ITGA1: variants seen among roughly 807,000 people sequenced by gnomAD.
The protein encoded by ITGA1 is integrin alpha-1.
A neutral mutation model predicts 145.9 loss-of-function variants in ITGA1; 85 were observed. That is an observed-to-expected ratio of 0.58 (90% CI 0.49 to 0.70). The LOEUF is 0.70. Ranked by LOEUF, ITGA1 falls within the 30% of genes least tolerant of loss-of-function variation. The pLI is 0.00. For missense variants in ITGA1, 1,351 were observed against 1,418.7 expected (o/e 0.95, Z 0.77); for synonymous variants, 520 against 495.3 (o/e 1.05, Z -0.66).
intron 2 of ITGA1, among the ~76,000 whole-genome samples, chr5:52,854,824 G>T (rs1278955418): frequency 1.3e-5 from 2 of 152,096 alleles, no homozygotes; most frequent in Non-Finnish European, 1.5e-5. Flanking sequence ...TATTATAATT[G>T]TAGCTTATTC....
At position 52,911,579 on chromosome 5, in the gene ITGA1, T is replaced by TAGTGTATCTACTATATATACTATAC. The variant is rs1750535975; in HGVS notation, c.1857+1161_1857+1162insGTGTATCTACTATATATACTATACA. 1.7e-4 allele frequency among the ~76,000 whole-genome samples: 11 copies of TAGTGTATCTACTATATATACTATAC among 66,590 alleles called. 1 individual carries two copies. The highest frequency in any genetic ancestry group is 2.2e-4 in the Non-Finnish European group (7 of 31,842). 43.7% of individuals were successfully genotyped at this position (66,590 alleles called of 152,430 possible). A position where few individuals can be genotyped will look rare whatever the true frequency, so the allele number is the denominator to read the frequency against. On this transcript the variant is annotated intron_variant, in intron 14 of 28. Coordinates refer to ENST00000282588, the MANE Select transcript of ITGA1 (RefSeq NM_181501.2). Reference sequence around the variant, plus strand: ...TAGTGTATCTACTATATATACTATATATATAGTGTATCTACTATATATACT... The same window carrying TAGTGTATCTACTATATATACTATAC: ...TAGTGTATCTACTATATATACTATATAGTGTATCTACTATATATACTATACATATAGTGTATCTACTATATATACT...
intron 21 of ITGA1, among the ~76,000 whole-genome samples, chr5:52,930,260 T>A (rs1057109832): frequency 6.6e-6 from 1 of 152,146 alleles, no homozygotes; most frequent in Non-Finnish European, 1.5e-5. Flanking sequence ...TCTTTTACTG[T>A]TTTATTCACA....
chr5:52,941,634 G>A (rs1561255905), intron 26 of ITGA1, among the ~76,000 whole-genome samples: 1 of 152,060 alleles, frequency 6.6e-6, no homozygotes, highest in African/African-American at 2.4e-5. Context: ...TTTGTTGATT[G>A]ATTGCTTGCT....
Position 52,887,819 on chromosome 5 carries a change from G to A in ITGA1, c.778G>A (p.Glu260Lys). ...TALGIDTARK[E>K]AFTEARGARR... ...TTTTGTTTGTGATTACTTTAGAAAG[G>A]AGGCATTCACGGAAGCCCGGGGTGC... Residue 260 changes from glutamate (E) to lysine (K), a missense_variant, in exon 8 of 29, where the codon GAG becomes AAG. Transcript: ENST00000282588. The A allele has an allele frequency of 1.9e-6, 3 of 1,611,316 alleles. No homozygotes were observed. Among genetic ancestry groups the A allele is most frequent in the Non-Finnish European group, 2.5e-6 (3 of 1,178,262 alleles).
chr5:52,797,640 T>C (rs1325425119), intron 1 of ITGA1, among the ~76,000 whole-genome samples: 1 of 152,106 alleles, frequency 6.6e-6, no homozygotes, highest in Admixed American at 6.5e-5. Context: ...GCACATAATT[T>C]GCAGTGAAGG....
At chr5:52,790,933 T>G (rs1192484958) in intron 1 of ITGA1, among the ~76,000 whole-genome samples, 1 of 152,206 alleles carries the variant, frequency 6.6e-6, no homozygotes, top group Admixed American at 6.5e-5. Flanking sequence ...ATGACCTTGT[T>G]TTATACATCG....
chr5:52,790,973 A>G (rs954450548), intron 1 of ITGA1, among the ~76,000 whole-genome samples: 1 of 151,980 alleles, frequency 6.6e-6, no homozygotes, highest in Non-Finnish European at 1.5e-5. Flanking sequence ...CCATCCTACC[A>G]CCCTCTGACA....
At chr5:52,905,695 G>C (rs1415733218) in intron 11 of ITGA1, 68 bp from the exon 12 acceptor site, 2 of 1,278,872 alleles carry the variant, frequency 1.6e-6, no homozygotes, top group Non-Finnish European at 2.2e-6. Context: ...CATTTAAAAA[G>C]AGTCTTAATT....
intron 12 of ITGA1, among the ~76,000 whole-genome samples, chr5:52,908,458 G>C (rs1750445457): frequency 6.6e-6 from 1 of 152,162 alleles, no homozygotes; most frequent in African/African-American, 2.4e-5. Context: ...CCAAGACTAT[G>C]AGGTGAAATA....
At chr5:52,888,601 T>G (rs1446403771) in intron 8 of ITGA1, among the ~76,000 whole-genome samples, 1 of 152,258 alleles carries the variant, frequency 6.6e-6, no homozygotes, top group Non-Finnish European at 1.5e-5. Context: ...GCTCCTGGTA[T>G]AGACCTTTCG....
chr5:52,834,493 GA>G (rs1276431422), intron 1 of ITGA1, among the ~76,000 whole-genome samples: 1 of 149,836 alleles, frequency 6.7e-6, no homozygotes, highest in Non-Finnish European at 1.5e-5. Context: ...GAAAAAGAAG[GA>G]AGGAAGGAAA....
chr5:52,854,222 C>T (rs1168088844), intron 2 of ITGA1, among the ~76,000 whole-genome samples: 2 of 152,110 alleles, frequency 1.3e-5, no homozygotes, highest in Non-Finnish European at 2.9e-5. Flanking sequence ...CCAATGGGCT[C>T]ATGTGATTGA....
At chr5:52,805,900 T>A (rs1420257420) in intron 1 of ITGA1, among the ~76,000 whole-genome samples, 1 of 152,218 alleles carries the variant, frequency 6.6e-6, no homozygotes, top group Non-Finnish European at 1.5e-5. Context: ...GAAAATAATT[T>A]GTTTCAAAAA....
intron 2 of ITGA1, 54 bp from the exon 3 acceptor site, chr5:52,861,393 A>T (rs1749598048): frequency 5.7e-6 from 6 of 1,050,044 alleles, no homozygotes; most frequent in Admixed American, 5.4e-5. Flanking sequence ...AAAACAACTC[A>T]TATAAACTGT....
chr5:52,884,310 G>A (rs1351117410), intron 7 of ITGA1, among the ~76,000 whole-genome samples: 1 of 152,058 alleles, frequency 6.6e-6, no homozygotes, highest in African/African-American at 2.4e-5. Context: ...AGCCGGGCGT[G>A]GTGGTGGGCG....
At chr5:52,937,901 C>A (rs1750994964) in intron 24 of ITGA1, among the ~76,000 whole-genome samples, 1 of 151,922 alleles carries the variant, frequency 6.6e-6, no homozygotes, top group Non-Finnish European at 1.5e-5. Flanking sequence ...CCTATCTCTG[C>A]CTCTGTCTTC....
chr5:52,800,242 G>A lies in ITGA1; in HGVS notation c.61+11828G>A, dbSNP rs190138116. 7.6e-5 allele frequency: 54 copies of A among 712,672 alleles called. No individual in the cohort carries two copies. In the Middle Eastern group the frequency reaches 1.2e-3, roughly 16 times the overall value. The allele number at this position is 712,672 out of a possible 1,614,324, so 44.1% of individuals were successfully genotyped here. ...GGAAGTGCTGCCCTAGGCTGCATGA[G>A]TCGAAGCAAGCGTGTTTCCTTCCCG... On this transcript the variant is annotated intron_variant, in intron 1 of 28. Transcript: ENST00000282588.
intron 6 of ITGA1, among the ~76,000 whole-genome samples, chr5:52,867,641 C>T (rs1453583251): frequency 3.9e-5 from 6 of 151,936 alleles, no homozygotes; most frequent in Non-Finnish European, 8.8e-5. Context: ...CTCCTTTCCT[C>T]GCTTCCCCTA....
At chr5:52,864,437 A>G (rs571069910) in intron 3 of ITGA1, among the ~76,000 whole-genome samples, 1 of 152,232 alleles carries the variant, frequency 6.6e-6, no homozygotes, top group Non-Finnish European at 1.5e-5. Flanking sequence ...AGATTACATT[A>G]TATCTACAGT....
Sources: allele counts gnomAD v4.1 joint callset (sites outside exome capture counted in the v4.1 genomes callset), GRCh38; gene constraint gnomAD v4.1.1; transcripts MANE v1.5; gene names NCBI Gene and HGNC (gene_info 2026-07-23, HGNC 2026-07-21).